The following AACS variants were observed in gnomAD, a reference collection of about 807,000 sequenced individuals.
The protein encoded by AACS is acetoacetate-CoA ligase.
Under a neutral mutation model 83.1 loss-of-function variants are expected in AACS, and 69 were observed. That is an observed-to-expected ratio of 0.83 (90% CI 0.68 to 1.01). The LOEUF (loss-of-function observed/expected upper bound fraction) is 1.01. Ranked by LOEUF, AACS falls within the 50% of genes least tolerant of loss-of-function variation. AACS has a pLI of 0.00. For synonymous variants in AACS, 333 were observed against 343.4 expected (o/e 0.97, Z 0.33); for missense variants, 866 against 882.2 (o/e 0.98, Z 0.23).
intron 15 of AACS, 37 bp downstream of exon 15, chr12:125,134,109 C>T (rs1234056229): frequency 1.2e-6 from 2 of 1,605,356 alleles, no homozygotes; most frequent in African/African-American, 1.3e-5. Flanking sequence ...TTCCTGGAGC[C>T]CCACCTTCCA....
At chr12:125,123,818 C>T (rs1156563478) in intron 10 of AACS, 1 of 152,268 alleles carries the variant, frequency 6.6e-6, no homozygotes, top group African/African-American at 2.4e-5. Flanking sequence ...GAAGGGCCGC[C>T]TGGCTGGAGG....
chr12:125,110,614 G>A (rs577040364), intron 8 of AACS, among the ~76,000 whole-genome samples: 1 of 152,284 alleles, frequency 6.6e-6, no homozygotes, highest in East Asian at 1.9e-4. Context: ...AGTTGGCTCA[G>A]CCTATAGGGA....
intron 17 of AACS, among the ~76,000 whole-genome samples, chr12:125,137,556 A>T (rs1346110275): frequency 6.6e-6 from 1 of 152,200 alleles, no homozygotes; most frequent in Non-Finnish European, 1.5e-5. Context: ...GGTACAGACA[A>T]GACTTGACTC....
At chr12:125,079,294 G>A (rs1308565272) in intron 3 of AACS, among the ~76,000 whole-genome samples, 4 of 152,288 alleles carry the variant, frequency 2.6e-5, no homozygotes, top group African/African-American at 4.8e-5. Flanking sequence ...GGGTGATCCC[G>A]TGGTGACCTG....
intron 10 of AACS, among the ~76,000 whole-genome samples, chr12:125,119,107 G>A (rs914816510): frequency 2.6e-5 from 4 of 152,158 alleles, no homozygotes; most frequent in Admixed American, 6.5e-5. Flanking sequence ...TAAGGCACGC[G>A]GCATGGTATT....
rs11549082 is a variant in AACS at position 125,142,641 on chromosome 12, C to T, written c.*412C>T. The T allele has an allele frequency of 0.069, 11,000 of 159,876 alleles. 462 individuals are homozygous for T. Among genetic ancestry groups the T allele is most frequent in the African/African-American group, 0.11 (4,429 of 41,794 alleles). 9.9% of individuals were successfully genotyped at this position (159,876 alleles called of 1,614,324 possible). A position where few individuals can be genotyped will look rare whatever the true frequency, so the allele number is the denominator to read the frequency against. On this transcript the variant is annotated 3_prime_UTR_variant, in exon 18 of 18. Transcript: ENST00000316519. ...CCCTTTCTTCCCTTCCCATCTCAGGCTCTCCTGTTTTCCCTCAGGGTCCAG... is the reference window on the plus strand; with the variant it reads ...CCCTTTCTTCCCTTCCCATCTCAGGTTCTCCTGTTTTCCCTCAGGGTCCAG...
At chr12:125,096,797 CG>C (rs1285285608) in intron 5 of AACS, among the ~76,000 whole-genome samples, 4 of 151,852 alleles carry the variant, frequency 2.6e-5, no homozygotes, top group African/African-American at 9.7e-5. Context: ...CACTTGCTCT[CG>C]GGGGGTGCAT....
At chr12:125,069,814 T>C (rs1955810126) in intron 1 of AACS, among the ~76,000 whole-genome samples, 1 of 152,170 alleles carries the variant, frequency 6.6e-6, no homozygotes, top group African/African-American at 2.4e-5. Flanking sequence ...CTCAAATAGC[T>C]CCGGGTGGCT....
intron 3 of AACS, among the ~76,000 whole-genome samples, chr12:125,082,057 G>A (rs1370325512): frequency 6.6e-6 from 1 of 151,440 alleles, no homozygotes; most frequent in Non-Finnish European, 1.5e-5. Context: ...TGTATTTTTA[G>A]TAGAGAGGGG....
intron 3 of AACS, among the ~76,000 whole-genome samples, chr12:125,080,931 T>G (rs1381446568): frequency 6.6e-6 from 1 of 152,100 alleles, no homozygotes; most frequent in Non-Finnish European, 1.5e-5. Flanking sequence ...GACCTCGTGA[T>G]CCACCCGCCT....
chr12:125,108,817 G>A (rs1956888857), intron 8 of AACS, among the ~76,000 whole-genome samples: 1 of 150,188 alleles, frequency 6.7e-6, no homozygotes, highest in South Asian at 2.1e-4. Context: ...ATAGGCGTGT[G>A]CCGCTATGCC....
At chr12:125,071,406 A>AGG (rs1334019910) in intron 1 of AACS, among the ~76,000 whole-genome samples, 1 of 152,136 alleles carries the variant, frequency 6.6e-6, no homozygotes, top group East Asian at 1.9e-4. Context: ...TCAGGTACTC[A>AGG]CTTTTCTCAG....
chr12:125,089,535 G>A (rs1413045293), intron 4 of AACS, among the ~76,000 whole-genome samples: 1 of 152,136 alleles, frequency 6.6e-6, no homozygotes, highest in Non-Finnish European at 1.5e-5. Context: ...TGCCTCTGTT[G>A]TCATGAAAGC....
At chr12:125,092,262 C>T (rs1429501393) in intron 5 of AACS, among the ~76,000 whole-genome samples, 2 of 152,262 alleles carry the variant, frequency 1.3e-5, no homozygotes, top group African/African-American at 4.8e-5. Flanking sequence ...GTGTCCCTGA[C>T]CGCTCCTCCT....
At chr12:125,107,523 G>A (rs767744737) in intron 8 of AACS, among the ~76,000 whole-genome samples, 6 of 152,236 alleles carry the variant, frequency 3.9e-5, no homozygotes, top group South Asian at 2.1e-4. Context: ...TGTACAGCGC[G>A]GTGTGCCTTG....
intron 14 of AACS, among the ~76,000 whole-genome samples, chr12:125,132,006 A>G (rs1957335632): frequency 6.6e-6 from 1 of 152,276 alleles, no homozygotes; most frequent in Admixed American, 6.5e-5. Context: ...TGCTATCGGC[A>G]GTCACCTGTT....
At chr12:125,104,905 G>T (rs770202936) in intron 7 of AACS, among the ~76,000 whole-genome samples, 5 of 152,126 alleles carry the variant, frequency 3.3e-5, no homozygotes, top group South Asian at 2.1e-4. Context: ...GAGGCATGGT[G>T]CCAGCATCTG....
chr12:125,106,183 T>C (rs1004893695), intron 7 of AACS, among the ~76,000 whole-genome samples: 6 of 152,238 alleles, frequency 3.9e-5, no homozygotes, highest in Admixed American at 1.3e-4. Flanking sequence ...TCCCACCTCC[T>C]TCCCTGAGAG....
chr12:125,128,297 C>T, intron 13 of AACS, 23 bp downstream of exon 13: 1 of 1,597,612 alleles, frequency 6.3e-7, no homozygotes, highest in Non-Finnish European at 8.6e-7. Flanking sequence ...CCAACTGTTT[C>T]TTTCTGTGAT....
Sources: allele counts gnomAD v4.1 joint callset (sites outside exome capture counted in the v4.1 genomes callset), GRCh38; gene constraint gnomAD v4.1.1; transcripts MANE v1.5; gene names NCBI Gene and HGNC (gene_info 2026-07-23, HGNC 2026-07-21).